Variants in CASTOR2 observed in about 807,000 individuals in gnomAD.
The protein encoded by CASTOR2 is GATS protein like 2.
A neutral mutation model predicts 31.2 loss-of-function variants in CASTOR2; 8 were observed. That is an observed-to-expected ratio of 0.26 (90% CI 0.15 to 0.46). The LOEUF (loss-of-function observed/expected upper bound fraction) is 0.46. Among genes scored for constraint, CASTOR2 ranks in the 20% least tolerant of loss-of-function variants. The probability of loss-of-function intolerance (pLI) is 0.99; values close to 1 mark genes in which losing one functional copy is unlikely to be tolerated. For missense variants in CASTOR2, 216 were observed against 382.1 expected, an observed-to-expected ratio of 0.57 and a Z score of 3.62; for synonymous variants, 162 against 158.7, an observed-to-expected ratio of 1.02 and a Z score of -0.16.
At chr7:74,975,298 A>AG (rs1362633536) in intron 1 of CASTOR2, among the ~76,000 whole-genome samples, 3 of 150,706 alleles carry the variant, frequency 2.0e-5, no homozygotes, top group Non-Finnish European at 3.0e-5. Context: ...TTTTGTACAG[A>AG]GGGGGTCTCA....
At chr7:75,007,758 T>G in intron 1 of CASTOR2, 1 of 621,588 alleles carries the variant, frequency 1.6e-6, no homozygotes, top group Non-Finnish European at 2.9e-6. Context: ...GGCTCCGAGG[T>G]CCCCAAAGAT....
intron 5 of CASTOR2, among the ~76,000 whole-genome samples, chr7:75,019,545 C>T (rs1396628244): frequency 6.6e-6 from 1 of 152,178 alleles, no homozygotes; most frequent in African/African-American, 2.4e-5. Flanking sequence ...GACATCCTAC[C>T]CTGGGAACCC....
chr7:75,012,097 G>A lies in CASTOR2; in HGVS notation c.184+4033G>A, dbSNP rs1479461335. Among the ~76,000 whole-genome samples, 759 of 152,232 alleles carry A rather than the reference G, an allele frequency of 5.0e-3. 6 individuals are homozygous for A. Among genetic ancestry groups the A allele is most frequent in the African/African-American group, 0.012 (515 of 41,540 alleles). On this transcript the variant is annotated intron_variant, in intron 2 of 8. Transcript: ENST00000616305. ...GGAAAGTAGGAAATGCTCTCAAGGC[G>A]CCTCTAGCCTAAATAAGGAGAAAGT... is the stretch of plus-strand genomic sequence containing the variant.
chr7:74,992,577 C>T (rs1286971492), intron 1 of CASTOR2, among the ~76,000 whole-genome samples: 4 of 152,076 alleles, frequency 2.6e-5, no homozygotes, highest in African/African-American at 9.7e-5. Context: ...GTAGCTGGGA[C>T]TACAGGTGCA....
At position 75,027,588 on chromosome 7, in the gene CASTOR2, C is replaced by T. The variant is rs1359984863; in HGVS notation, c.*2889C>T. ...TGGGGCTGCTCCTGGGGACTGGCCT[C>T]GTGTCATGGAGAAAAGCATGTGTGT... On this transcript the variant is annotated 3_prime_UTR_variant, in exon 9 of 9. Transcript: ENST00000616305. 1.6e-5 allele frequency: 3 copies of T among 183,222 alleles called. No homozygotes were observed. The highest frequency in any genetic ancestry group is 4.8e-5 in the African/African-American group (2 of 41,680). 11.3% of individuals were successfully genotyped at this position (183,222 alleles called of 1,614,324 possible).
In CASTOR2 at chr7:75,018,003, A is replaced by G. The variant is rs1175026152; in HGVS notation, c.392A>G (p.Asp131Gly). 6.2e-7 allele frequency: 1 copy of G among 1,614,176 alleles called. No homozygotes were observed. The highest frequency in any genetic ancestry group is 8.5e-7 in the Non-Finnish European group (1 of 1,180,038). ...QTDFILVRER[D>G]LPFVTHTLSS... ...TCTTGCCCCTAGGTGCGCGAGCGGG[A>G]CCTGCCCTTTGTCACCCACACATTG... Residue 131 changes from aspartate (D) to glycine (G), a missense_variant, in exon 4 of 9, where the codon GAC (aspartate) becomes GGC (glycine). Asp to Gly is a moderately conservative substitution (Grantham distance 94). Around this residue, in one of 5 missense-constraint regions of CASTOR2, gnomAD observed 114 missense variants for 194.2 expected, o/e 0.59. Transcript: ENST00000616305.
In CASTOR2 at chr7:75,018,007, G is replaced by C; in HGVS notation, c.396G>C (p.Leu132=). The C allele has an allele frequency of 6.2e-7, 1 of 1,614,206 alleles. No homozygotes were observed. The highest frequency in any genetic ancestry group is 8.5e-7 in the Non-Finnish European group (1 of 1,180,032). The part of the protein sequence containing the change: ...TDFILVRERD[L]PFVTHTLSSE... ...GCCCCTAGGTGCGCGAGCGGGACCT[G>C]CCCTTTGTCACCCACACATTGTCAT... is the stretch of plus-strand genomic sequence containing the variant. Residue 132 remains leucine (L), a synonymous_variant, in exon 4 of 9, where the codon CTG becomes CTC. Transcript: ENST00000616305.
At position 75,022,002 on chromosome 7, in the gene CASTOR2, G is replaced by A. The variant is rs920160949; in HGVS notation, c.829+46G>A. ...ATGGGGAATTGAGGGAGCTGGCATT[G>A]CTGAGCCCATTCACATACGTTGTCC... On this transcript the variant is annotated intron_variant, in intron 7 of 8. Coordinates refer to ENST00000616305, the MANE Select transcript of CASTOR2 (RefSeq NM_001145064.3). 244 of 1,547,656 alleles carry A rather than the reference G, an allele frequency of 1.6e-4. No homozygotes were observed. In the African/African-American group the frequency reaches 3.1e-3, roughly 20 times the overall value.
intron 1 of CASTOR2, among the ~76,000 whole-genome samples, chr7:74,998,583 A>G (rs1804413739): frequency 1.4e-5 from 2 of 140,040 alleles, no homozygotes; most frequent in Non-Finnish European, 3.1e-5. Context: ...AGCCTGGGCG[A>G]CAGTGAGACT....
chr7:75,019,156 T>C (rs1804933482), intron 5 of CASTOR2, 61 bp downstream of exon 5: 1 of 1,551,160 alleles, frequency 6.4e-7, no homozygotes, highest in East Asian at 2.4e-5. Context: ...TGGCTCCGCC[T>C]AGGAGTCTTA....
intron 1 of CASTOR2, among the ~76,000 whole-genome samples, chr7:74,985,585 C>CAAAAAA (rs782053038): frequency 4.4e-5 from 3 of 67,578 alleles, no homozygotes; most frequent in Non-Finnish European, 7.6e-5. Context: ...CAGCCTGGCT[C>CAAAAAA]AAAAAAAAAA....
chr7:75,024,179 A>G (rs1484280814), intron 7 of CASTOR2, among the ~76,000 whole-genome samples: 2 of 152,160 alleles, frequency 1.3e-5, no homozygotes, highest in Admixed American at 6.5e-5. Flanking sequence ...AATCCCAGCT[A>G]TTTGGGAGGC....
At position 75,017,491 on chromosome 7, in the gene CASTOR2, G is replaced by A; in HGVS notation, c.185-107G>A. 3.0e-6 allele frequency: 4 copies of A among 1,320,338 alleles called. No individual in the cohort carries two copies. The East Asian group carries it at 7.5e-5, about 25-fold the overall frequency. The allele number at this position is 1,320,338 out of a possible 1,614,324, so 81.8% of individuals were successfully genotyped here. Reference sequence around the variant, plus strand: ...TGGAAAGTGAGGCAAGGCACAGGGTGGAGCTGGCCCCAGAGCATCACTCTC... The same window carrying A: ...TGGAAAGTGAGGCAAGGCACAGGGTAGAGCTGGCCCCAGAGCATCACTCTC... On this transcript the variant is annotated intron_variant, in intron 2 of 8. Coordinates refer to ENST00000616305, the MANE Select transcript of CASTOR2 (RefSeq NM_001145064.3).
At position 75,017,726 on chromosome 7, in the gene CASTOR2, G is replaced by T; in HGVS notation, c.313G>T (p.Ala105Ser). The change falls in exon 3 of 9, where the codon GCC (alanine) becomes TCC (serine). Residue 105 changes from alanine to serine, a missense_variant. Physicochemically the swap from Ala to Ser is moderately conservative, Grantham distance 99. This residue lies in a region of CASTOR2 where 114 missense variants were observed against 194.2 expected (regional missense o/e 0.59). Coordinates refer to ENST00000616305, the MANE Select transcript of CASTOR2 (RefSeq NM_001145064.3). ...GVTKIAKSVI[A>S]PLADQNISVF... Reference sequence around the variant, plus strand: ...GACCAAGATCGCCAAGTCAGTCATCGCCCCACTGGCTGACCAGAACATATC... The same window carrying T: ...GACCAAGATCGCCAAGTCAGTCATCTCCCCACTGGCTGACCAGAACATATC... 1 of 1,613,998 alleles carries T rather than the reference G, an allele frequency of 6.2e-7. No individual in the cohort carries two copies. Among genetic ancestry groups the T allele is most frequent in the South Asian group, 1.1e-5 (1 of 91,074 alleles).
chr7:75,010,378 A>AC (rs1804711022), intron 2 of CASTOR2, among the ~76,000 whole-genome samples: 1 of 152,148 alleles, frequency 6.6e-6, no homozygotes, highest in Admixed American at 6.6e-5. Context: ...CTGGGGAGCC[A>AC]CTGAAGGTTG....
At position 75,030,629 on chromosome 7, in the gene CASTOR2, C is replaced by T. The variant is rs1484501696; in HGVS notation, c.*5930C>T. 1.3e-5 allele frequency among the ~76,000 whole-genome samples: 2 copies of T among 152,172 alleles called. No individual in the cohort carries two copies. Among genetic ancestry groups the T allele is most frequent in the Non-Finnish European group, 2.9e-5 (2 of 68,028 alleles). On this transcript the variant is annotated 3_prime_UTR_variant, in exon 9 of 9. Coordinates refer to ENST00000616305, the MANE Select transcript of CASTOR2 (RefSeq NM_001145064.3). ...AGGCCTCAGTCCTTCCCCAGGTGGG[C>T]CAACCCACAGGGCTGCTTGAGTGTC... is the stretch of plus-strand genomic sequence containing the variant.
intron 7 of CASTOR2, among the ~76,000 whole-genome samples, 172 bp downstream of exon 7, chr7:75,022,128 C>T (rs1805020057): frequency 6.6e-6 from 1 of 152,154 alleles, no homozygotes; most frequent in Admixed American, 6.5e-5. Flanking sequence ...TGTACACAGG[C>T]CTCTTGGGGA....
chr7:74,974,078 C>CT (rs1199721682), intron 1 of CASTOR2, among the ~76,000 whole-genome samples: 3 of 101,968 alleles, frequency 2.9e-5, no homozygotes, highest in African/African-American at 1.2e-4. Context: ...GCTCCCAAAT[C>CT]TTTTTCCTAT....
chr7:75,028,065 G>A lies in CASTOR2; in HGVS notation c.*3366G>A, dbSNP rs1316356138. ...GTGGGCCTGTTGTCTTGGCGCTGGC[G>A]GATGGGGCAGGTGCCTGGCGGGGGA... On this transcript the variant is annotated 3_prime_UTR_variant, in exon 9 of 9. Transcript: ENST00000616305. 22 of 1,534,202 alleles carry A rather than the reference G, an allele frequency of 1.4e-5. No homozygotes were observed. In the East Asian group the frequency reaches 1.7e-4, roughly 12 times the overall value.
Sources: gnomAD v4.1 joint callset for allele counts (sites outside exome capture counted in the v4.1 genomes callset) on GRCh38, gnomAD v4.1.1 for gene constraint, gnomAD v4.1.1 regional missense constraint, MANE v1.5 for transcripts, NCBI Gene and HGNC (gene_info 2026-07-23, HGNC 2026-07-21) for gene names.